The following SLC30A8 variants were observed in gnomAD, a reference collection of about 807,000 sequenced individuals.
SLC30A8 encodes the protein solute carrier family 30 member 8.
In SLC30A8, 27 loss-of-function variants were observed where a neutral mutation model predicts 36.9. That is an observed-to-expected ratio of 0.73 (90% CI 0.54 to 1.01). SLC30A8 has a LOEUF of 1.01. Among genes scored for constraint, SLC30A8 ranks in the 50% least tolerant of loss-of-function variants. The probability of loss-of-function intolerance (pLI) is 0.00; values close to 1 mark genes in which losing one functional copy is unlikely to be tolerated. For synonymous variants in SLC30A8, 164 were observed against 172.4 expected (o/e 0.95, Z 0.38); for missense variants, 439 against 452.0 (o/e 0.97, Z 0.26).
At chr8:117,168,304 A>G (rs1823169286) in intron 6 of SLC30A8, among the ~76,000 whole-genome samples, 1 of 152,102 alleles carries the variant, frequency 6.6e-6, no homozygotes. Flanking sequence ...CATCATCACA[A>G]CCACTGAGTA....
intron 2 of SLC30A8, among the ~76,000 whole-genome samples, chr8:117,115,041 T>C (rs1488109392): frequency 1.3e-5 from 2 of 152,090 alleles, no homozygotes; most frequent in African/African-American, 4.8e-5. Flanking sequence ...CCTGAATAGC[T>C]GGGACTACAG....
At chr8:117,053,859 C>T (rs2130776433) in intron 2 of SLC30A8, among the ~76,000 whole-genome samples, 1 of 152,230 alleles carries the variant, frequency 6.6e-6, no homozygotes, top group East Asian at 1.9e-4. Flanking sequence ...CTTCCTATAA[C>T]TTAGAGAAGA....
At chr8:116,992,429 G>A (rs1019678309) in intron 1 of SLC30A8, among the ~76,000 whole-genome samples, 2 of 152,102 alleles carry the variant, frequency 1.3e-5, no homozygotes, top group African/African-American at 4.8e-5. Flanking sequence ...GGCAAAGAAT[G>A]TACACGATGA....
At chr8:117,072,249 T>G (rs1278811027) in intron 2 of SLC30A8, among the ~76,000 whole-genome samples, 7 of 152,214 alleles carry the variant, frequency 4.6e-5, no homozygotes, top group African/African-American at 1.7e-4. Context: ...CACTATCCAC[T>G]GCTTAATCCC....
intron 2 of SLC30A8, among the ~76,000 whole-genome samples, chr8:117,058,107 T>C (rs1412249096): frequency 1.3e-5 from 2 of 152,176 alleles, no homozygotes; most frequent in African/African-American, 2.4e-5. Context: ...AGATATCTCA[T>C]TGTGGTTTTG....
At chr8:117,027,022 T>C (rs1428668632) in intron 1 of SLC30A8, among the ~76,000 whole-genome samples, 1 of 152,124 alleles carries the variant, frequency 6.6e-6, no homozygotes, top group Non-Finnish European at 1.5e-5. Flanking sequence ...TGAAAGCCTG[T>C]TGTAATTTGT....
At chr8:116,971,785 A>C (rs1227888042) in intron 1 of SLC30A8, among the ~76,000 whole-genome samples, 2 of 152,204 alleles carry the variant, frequency 1.3e-5, no homozygotes, top group Admixed American at 1.3e-4. Flanking sequence ...CCTAAATAGC[A>C]CTGCAACTGT....
chr8:116,966,404 C>G (rs575996048), intron 1 of SLC30A8, among the ~76,000 whole-genome samples: 21 of 152,152 alleles, frequency 1.4e-4, no homozygotes, highest in African/African-American at 4.8e-4. Context: ...TTTTCAGGCC[C>G]TTTAACTGAG....
chr8:117,160,211 G>A (rs1822705288), intron 4 of SLC30A8, among the ~76,000 whole-genome samples: 1 of 152,210 alleles, frequency 6.6e-6, no homozygotes, highest in Non-Finnish European at 1.5e-5. Flanking sequence ...CTAGGATGAA[G>A]GTTATAAATA....
chr8:117,092,967 T>C (rs771610329), intron 2 of SLC30A8, among the ~76,000 whole-genome samples: 9 of 152,188 alleles, frequency 5.9e-5, no homozygotes, highest in Admixed American at 6.5e-5. Flanking sequence ...GAATGTCATA[T>C]ATCCCCTGTG....
intron 1 of SLC30A8, among the ~76,000 whole-genome samples, chr8:116,967,096 C>A (rs1002541575): frequency 7.9e-5 from 12 of 152,220 alleles, no homozygotes; most frequent in Admixed American, 7.9e-4. Flanking sequence ...GGTATGCATT[C>A]TATAAAGGAC....
chr8:117,047,721 T>C (rs1472827802), intron 2 of SLC30A8, among the ~76,000 whole-genome samples: 1 of 152,172 alleles, frequency 6.6e-6, no homozygotes, highest in Non-Finnish European at 1.5e-5. Flanking sequence ...CTCGTTAAAA[T>C]GAGGCTGAAA....
intron 2 of SLC30A8, among the ~76,000 whole-genome samples, chr8:117,111,868 C>T (rs1820242711): frequency 6.6e-6 from 1 of 151,626 alleles, no homozygotes; most frequent in East Asian, 1.9e-4. Flanking sequence ...ATTTTTTCTT[C>T]CTCTTTATAA....
intron 2 of SLC30A8, among the ~76,000 whole-genome samples, chr8:117,073,708 A>G (rs1818402653): frequency 6.6e-6 from 1 of 152,198 alleles, no homozygotes; most frequent in Non-Finnish European, 1.5e-5. Context: ...TGGAAAATAA[A>G]TATCCTCTTA....
At chr8:117,012,874 AAACAG>A (rs150125904) in intron 1 of SLC30A8, among the ~76,000 whole-genome samples, 4 of 152,090 alleles carry the variant, frequency 2.6e-5, no homozygotes, top group African/African-American at 9.6e-5. Flanking sequence ...GAAACTCAGT[AAACAG>A]TGTTTTAATT....
intron 1 of SLC30A8, among the ~76,000 whole-genome samples, chr8:116,958,076 T>A (rs1038025748): frequency 1.3e-5 from 2 of 152,226 alleles, no homozygotes; most frequent in Non-Finnish European, 2.9e-5. Flanking sequence ...GTGCCTTTGT[T>A]AGCAATATCA....
chr8:117,006,969 T>TG (rs1348423086), intron 1 of SLC30A8: 1 of 95,834 alleles, frequency 1.0e-5, no homozygotes, highest in Non-Finnish European at 2.2e-5. Context: ...TTTTTTTTTT[T>TG]TTTTTTTTTT....
At chr8:117,000,694 A>G (rs900692080) in intron 1 of SLC30A8, among the ~76,000 whole-genome samples, 2 of 152,192 alleles carry the variant, frequency 1.3e-5, no homozygotes, top group Non-Finnish European at 2.9e-5. Context: ...ATTAATATCT[A>G]ATAGTGGGTG....
chr8:117,153,238 A>T, intron 3 of SLC30A8, 148 bp downstream of exon 3: 1 of 730,004 alleles, frequency 1.4e-6, no homozygotes, highest in Non-Finnish European at 2.1e-6. Context: ...TGTATGTGGG[A>T]ATGTGTGTTT....
Sources: gnomAD v4.1 joint callset for allele counts (sites outside exome capture counted in the v4.1 genomes callset) on GRCh38, gnomAD v4.1.1 for gene constraint, MANE v1.5 for transcripts, NCBI Gene and HGNC (gene_info 2026-07-23, HGNC 2026-07-21) for gene names.